Variants in SHROOM3 observed in about 807,000 individuals in gnomAD.
SHROOM3 encodes protein Shroom3.
SHROOM3 carries 47 observed loss-of-function variants against 138.6 expected under a neutral mutation model. The observed-to-expected ratio is 0.34, with a 90% CI of 0.27 to 0.43. SHROOM3 has a LOEUF of 0.43. Ranked by LOEUF, SHROOM3 falls within the 20% of genes least tolerant of loss-of-function variation. SHROOM3 has a pLI of 1.00. For missense variants in SHROOM3, 2,491 were observed against 2,596.5 expected (o/e 0.96, Z 0.88); for synonymous variants, 1,062 against 1,063.3 (o/e 1.00, Z 0.02).
At chr4:76,471,701 A>C (rs1197813788) in intron 1 of SHROOM3, among the ~76,000 whole-genome samples, 1 of 152,188 alleles carries the variant, frequency 6.6e-6, no homozygotes, top group Non-Finnish European at 1.5e-5. Context: ...AATGGGCCCA[A>C]CATCTAACAA....
chr4:76,727,150 C>T (rs1441363236), intron 3 of SHROOM3, among the ~76,000 whole-genome samples: 1 of 152,170 alleles, frequency 6.6e-6, no homozygotes, highest in African/African-American at 2.4e-5. Flanking sequence ...TCTCTTCTTT[C>T]TCCTAATGTA....
intron 1 of SHROOM3, among the ~76,000 whole-genome samples, chr4:76,452,506 G>A (rs1560510558): frequency 6.6e-6 from 1 of 152,196 alleles, no homozygotes; most frequent in Non-Finnish European, 1.5e-5. Flanking sequence ...TTTTGAGACT[G>A]GCCTATTTTA....
At chr4:76,490,072 G>A (rs1413629049) in intron 1 of SHROOM3, among the ~76,000 whole-genome samples, 1 of 152,166 alleles carries the variant, frequency 6.6e-6, no homozygotes, top group African/African-American at 2.4e-5. Context: ...TAAATGAAGT[G>A]GTAGCATGCA....
intron 2 of SHROOM3, among the ~76,000 whole-genome samples, chr4:76,566,961 T>A (rs1733737672): frequency 6.6e-6 from 1 of 152,258 alleles, no homozygotes; most frequent in Non-Finnish European, 1.5e-5. Context: ...CTAAAATGTC[T>A]GTTTAATTGT....
At chr4:76,556,989 A>G (rs1234375561) in intron 2 of SHROOM3, among the ~76,000 whole-genome samples, 1 of 152,188 alleles carries the variant, frequency 6.6e-6, no homozygotes, top group Non-Finnish European at 1.5e-5. Context: ...TCAGTGATGC[A>G]GAGTGGCTCA....
intron 2 of SHROOM3, among the ~76,000 whole-genome samples, chr4:76,660,222 T>C (rs1190755095): frequency 2.0e-5 from 3 of 152,180 alleles, no homozygotes; most frequent in Non-Finnish European, 2.9e-5. Context: ...GGGCATAGAA[T>C]AAACCCACAA....
rs554737838 is a variant in SHROOM3, at chr4:76,599,068, GGGGT to G, written c.323+43307_323+43310del. Reference sequence around the variant, plus strand: ...GTGACGGGCTGGCTGCTTGGGTGCAGGGGTGCAAGGCGAGGAGGATGACTCCTAG... The same window carrying G: ...GTGACGGGCTGGCTGCTTGGGTGCAGGCAAGGCGAGGAGGATGACTCCTAG... On this transcript the variant is annotated intron_variant, in intron 2 of 10. Coordinates refer to ENST00000296043, the MANE Select transcript of SHROOM3 (RefSeq NM_020859.4). Among the ~76,000 whole-genome samples, 412 of 152,244 alleles carry G rather than the reference GGGGT, an allele frequency of 2.7e-3. 2 individuals carry two copies. Among genetic ancestry groups the G allele is most frequent in the Middle Eastern group, 0.014 (4 of 294 alleles).
At chr4:76,648,283 G>A (rs779782404) in intron 2 of SHROOM3, among the ~76,000 whole-genome samples, 7 of 152,128 alleles carry the variant, frequency 4.6e-5, no homozygotes, top group Non-Finnish European at 1.0e-4. Flanking sequence ...AACTATGAGT[G>A]CACCACTGCA....
At chr4:76,474,313 G>A (rs889341595) in intron 1 of SHROOM3, among the ~76,000 whole-genome samples, 2 of 152,126 alleles carry the variant, frequency 1.3e-5, no homozygotes, top group Non-Finnish European at 2.9e-5. Flanking sequence ...CTACTAGAGG[G>A]TACAGGACTT....
intron 1 of SHROOM3, among the ~76,000 whole-genome samples, chr4:76,543,007 C>T (rs1733138348): frequency 6.6e-6 from 1 of 152,134 alleles, no homozygotes; most frequent in South Asian, 2.1e-4. Context: ...ACATTCTGTC[C>T]CCATCCAGCC....
Position 76,779,793 on chromosome 4 carries a change from C to T in SHROOM3, c.*616C>T, listed in dbSNP as rs1722685090. ...TAATGAAATGAATTCCAAAGATAGTCACGTTGAGCGTGAAGACTTTTTTTC... is the reference window on the plus strand; with the variant it reads ...TAATGAAATGAATTCCAAAGATAGTTACGTTGAGCGTGAAGACTTTTTTTC... On this transcript the variant is annotated 3_prime_UTR_variant, in exon 11 of 11. Coordinates refer to ENST00000296043, the MANE Select transcript of SHROOM3 (RefSeq NM_020859.4). The T allele has an allele frequency of 6.5e-6, 1 of 152,892 alleles. No individual in the cohort carries two copies. Among genetic ancestry groups the T allele is most frequent in the Non-Finnish European group, 1.5e-5 (1 of 68,274 alleles). The allele number at this position is 152,892 out of a possible 1,614,324, so 9.5% of individuals were successfully genotyped here.
At chr4:76,583,848 T>C (rs1412374172) in intron 2 of SHROOM3, among the ~76,000 whole-genome samples, 1 of 152,212 alleles carries the variant, frequency 6.6e-6, no homozygotes, top group Non-Finnish European at 1.5e-5. Flanking sequence ...GAAATTTCTA[T>C]TGTAGTGGAC....
At chr4:76,573,772 C>A (rs1486067156) in intron 2 of SHROOM3, 1 of 152,744 alleles carries the variant, frequency 6.5e-6, no homozygotes, top group Admixed American at 6.5e-5. Flanking sequence ...CTGCTCAGCT[C>A]CCCTTAGCTT....
intron 2 of SHROOM3, among the ~76,000 whole-genome samples, chr4:76,673,031 A>C (rs1718934656): frequency 6.6e-6 from 1 of 152,202 alleles, no homozygotes; most frequent in Non-Finnish European, 1.5e-5. Context: ...AGAAACACCC[A>C]TTTCAAAAAT....
At chr4:76,614,542 A>G (rs1577920122) in intron 2 of SHROOM3, among the ~76,000 whole-genome samples, 1 of 152,122 alleles carries the variant, frequency 6.6e-6, no homozygotes, top group East Asian at 1.9e-4. Flanking sequence ...TTACATAGGT[A>G]TATATGTGCC....
intron 2 of SHROOM3, among the ~76,000 whole-genome samples, chr4:76,557,262 C>CACAT (rs1491225004): frequency 6.8e-6 from 1 of 148,128 alleles, no homozygotes; most frequent in Non-Finnish European, 1.5e-5. Flanking sequence ...CACACACACA[C>CACAT]GAGGAATATT....
intron 1 of SHROOM3, among the ~76,000 whole-genome samples, chr4:76,551,919 T>A (rs1733363132): frequency 6.6e-6 from 1 of 151,364 alleles, no homozygotes; most frequent in Non-Finnish European, 1.5e-5. Context: ...TGGAGTGCAG[T>A]GGTGCGATCT....
intron 1 of SHROOM3, among the ~76,000 whole-genome samples, chr4:76,554,998 A>ATTAGAT (rs747713870): frequency 2.0e-3 from 310 of 151,490 alleles, no homozygotes; most frequent in Middle Eastern, 6.8e-3. Context: ...ATGCCTGAAG[A>ATTAGAT]TCTGTCACTA....
chr4:76,624,230 C>T (rs1036028441), intron 2 of SHROOM3, among the ~76,000 whole-genome samples: 4 of 152,074 alleles, frequency 2.6e-5, no homozygotes, highest in South Asian at 2.1e-4. Flanking sequence ...GACATTTCAG[C>T]GTGCTGCACT....
Sources: allele counts gnomAD v4.1 joint callset (sites outside exome capture counted in the v4.1 genomes callset), GRCh38; gene constraint gnomAD v4.1.1; transcripts MANE v1.5; gene names NCBI Gene and HGNC (gene_info 2026-07-23, HGNC 2026-07-21).